EXOC6B: variants seen among roughly 807,000 people sequenced by gnomAD.
The protein encoded by EXOC6B is SEC15 homolog B.
Under a neutral mutation model 113.5 loss-of-function variants are expected in EXOC6B, and 54 were observed. That is an observed-to-expected ratio of 0.48 (90% CI 0.38 to 0.60). The LOEUF is 0.60. Ranked by LOEUF, EXOC6B falls within the 20% of genes least tolerant of loss-of-function variation. The pLI, the probability that EXOC6B is intolerant of heterozygous loss-of-function variation, is 0.00. For missense variants in EXOC6B, 797 were observed against 977.5 expected, an observed-to-expected ratio of 0.82 and a Z score of 2.46; for synonymous variants, 357 against 339.0, an observed-to-expected ratio of 1.05 and a Z score of -0.58.
intron 20 of EXOC6B, among the ~76,000 whole-genome samples, chr2:72,273,369 G>C (rs1684615392): frequency 6.6e-6 from 1 of 152,124 alleles, no homozygotes; most frequent in Non-Finnish European, 1.5e-5. Context: ...CAGGAACTGA[G>C]ATAAGGATAT....
At chr2:72,288,482 A>G (rs947291090) in intron 20 of EXOC6B, among the ~76,000 whole-genome samples, 1 of 152,150 alleles carries the variant, frequency 6.6e-6, no homozygotes, top group African/African-American at 2.4e-5. Flanking sequence ...TCAATATAAC[A>G]AAGTATGTCA....
chr2:72,622,858 G>T (rs1051717385), intron 6 of EXOC6B, among the ~76,000 whole-genome samples: 1 of 152,178 alleles, frequency 6.6e-6, no homozygotes, highest in African/African-American at 2.4e-5. Flanking sequence ...GTTAGAATGT[G>T]AAACAACCAG....
At chr2:72,316,806 T>C (rs1489971678) in intron 20 of EXOC6B, among the ~76,000 whole-genome samples, 3 of 152,104 alleles carry the variant, frequency 2.0e-5, no homozygotes, top group African/African-American at 7.2e-5. Context: ...GCATACAAAA[T>C]GTCAGGGACC....
intron 8 of EXOC6B, among the ~76,000 whole-genome samples, chr2:72,532,832 CA>C (rs144664424): frequency 3.4e-5 from 5 of 145,240 alleles, no homozygotes; most frequent in Admixed American, 6.9e-5. Flanking sequence ...AAAAACAAAA[CA>C]AAAAAAAAAC....
intron 1 of EXOC6B, among the ~76,000 whole-genome samples, chr2:72,743,702 A>T (rs1456086580): frequency 6.6e-6 from 1 of 152,214 alleles, no homozygotes; most frequent in Non-Finnish European, 1.5e-5. Context: ...TTCACTGAGT[A>T]AAGAATGACT....
At chr2:72,534,200 CA>C (rs567553159) in intron 8 of EXOC6B, among the ~76,000 whole-genome samples, 6 of 144,136 alleles carry the variant, frequency 4.2e-5, no homozygotes, top group East Asian at 4.0e-4. Flanking sequence ...AGGGTCAAAC[CA>C]AAAAAAAAAT....
At chr2:72,819,241 T>G (rs981601702) in intron 1 of EXOC6B, among the ~76,000 whole-genome samples, 47 of 152,004 alleles carry the variant, frequency 3.1e-4, no homozygotes, top group African/African-American at 1.1e-3. Flanking sequence ...TATAATAACA[T>G]GCATATAAAA....
chr2:72,444,798 G>A (rs1219626782), intron 18 of EXOC6B, among the ~76,000 whole-genome samples: 1 of 152,158 alleles, frequency 6.6e-6, no homozygotes, highest in Non-Finnish European at 1.5e-5. Context: ...GGGACCTTGG[G>A]CCCAGCACAT....
At chr2:72,199,643 T>C (rs148708361) in intron 20 of EXOC6B, among the ~76,000 whole-genome samples, 6 of 152,296 alleles carry the variant, frequency 3.9e-5, no homozygotes, top group African/African-American at 1.4e-4. Context: ...TCCTTTTCTA[T>C]CAGAATCTCC....
intron 20 of EXOC6B, among the ~76,000 whole-genome samples, chr2:72,235,252 A>T (rs1195971609): frequency 3.3e-5 from 5 of 152,182 alleles, no homozygotes; most frequent in Admixed American, 3.3e-4. Context: ...TTTCAGAAAC[A>T]TGGATGGAGC....
At chr2:72,564,275 C>A (rs1217752290) in intron 7 of EXOC6B, among the ~76,000 whole-genome samples, 1 of 152,176 alleles carries the variant, frequency 6.6e-6, no homozygotes, top group Non-Finnish European at 1.5e-5. Context: ...CAGACACACA[C>A]ACTCTCTCCC....
intron 6 of EXOC6B, among the ~76,000 whole-genome samples, chr2:72,579,328 G>A (rs951612866): frequency 2.0e-5 from 3 of 152,122 alleles, no homozygotes; most frequent in African/African-American, 7.2e-5. Flanking sequence ...GAAAATGACA[G>A]TAAAGCACCT....
intron 1 of EXOC6B, among the ~76,000 whole-genome samples, chr2:72,787,272 C>T (rs914792045): frequency 9.2e-5 from 14 of 151,646 alleles, no homozygotes; most frequent in African/African-American, 2.7e-4. Flanking sequence ...AGTGTGGTGG[C>T]GCAATCTCGG....
intron 20 of EXOC6B, among the ~76,000 whole-genome samples, chr2:72,332,780 A>T (rs938170754): frequency 2.0e-5 from 3 of 152,140 alleles, no homozygotes; most frequent in African/African-American, 7.2e-5. Flanking sequence ...TTAAGAAAAC[A>T]TAGTCCCAGG....
chr2:72,365,023 T>C (rs1224441066), intron 19 of EXOC6B, among the ~76,000 whole-genome samples: 1 of 152,136 alleles, frequency 6.6e-6, no homozygotes, highest in African/African-American at 2.4e-5. Context: ...AAATAATTGG[T>C]TAAGACAGAG....
chr2:72,560,696 C>T (rs1230010473), intron 7 of EXOC6B, among the ~76,000 whole-genome samples: 2 of 152,046 alleles, frequency 1.3e-5, no homozygotes, highest in Admixed American at 6.6e-5. Context: ...GCTTCGCACC[C>T]ATGAGAGCAA....
chr2:72,572,091 C>T (rs1704544803), intron 7 of EXOC6B, among the ~76,000 whole-genome samples: 1 of 152,058 alleles, frequency 6.6e-6, no homozygotes, highest in Admixed American at 6.6e-5. Context: ...GCAAACTTAA[C>T]TTTCTCTTCA....
chr2:72,806,892 T>C (rs146226467), intron 1 of EXOC6B, among the ~76,000 whole-genome samples: 1 of 152,308 alleles, frequency 6.6e-6, no homozygotes, highest in East Asian at 1.9e-4. Context: ...TTTTTGCTTG[T>C]TACTTTAAGT....
chr2:72,712,431 T>C (rs1408024680), intron 6 of EXOC6B, among the ~76,000 whole-genome samples: 1 of 152,184 alleles, frequency 6.6e-6, no homozygotes, highest in African/African-American at 2.4e-5. Context: ...TGTCAACCAT[T>C]GCTGTGGTCT....
Sources: gnomAD v4.1 joint callset for allele counts (sites outside exome capture counted in the v4.1 genomes callset) on GRCh38, gnomAD v4.1.1 for gene constraint, MANE v1.5 for transcripts, NCBI Gene and HGNC (gene_info 2026-07-23, HGNC 2026-07-21) for gene names.